Variants in TMEM268 observed in about 807,000 individuals in gnomAD.
TMEM268 encodes the protein transmembrane protein C9orf91.
TMEM268 carries 24 observed loss-of-function variants against 39.1 expected under a neutral mutation model. The observed-to-expected ratio is 0.61, with a 90% CI of 0.44 to 0.86. The LOEUF is 0.86. Ranked by LOEUF, TMEM268 falls within the 40% of genes least tolerant of loss-of-function variation. TMEM268 has a pLI of 0.00. For synonymous variants in TMEM268, 176 were observed against 173.5 expected (o/e 1.01, Z -0.12); for missense variants, 409 against 428.6 (o/e 0.95, Z 0.40).
intron 1 of TMEM268, among the ~76,000 whole-genome samples, chr9:114,612,718 C>T (rs983524361): frequency 2.0e-5 from 3 of 152,176 alleles, no homozygotes; most frequent in Non-Finnish European, 2.9e-5. Flanking sequence ...CCTCCTTCCT[C>T]CAGGAAGCCT....
chr9:114,632,921 G>C (rs1846461827), intron 5 of TMEM268, among the ~76,000 whole-genome samples: 1 of 152,206 alleles, frequency 6.6e-6, no homozygotes, highest in South Asian at 2.1e-4. Flanking sequence ...GGAAGCAGCA[G>C]AGCTGGGCTT....
At chr9:114,626,750 C>G (rs1846177544) in intron 3 of TMEM268, 149 bp from the exon 4 acceptor site, 4 of 563,112 alleles carry the variant, frequency 7.1e-6, no homozygotes, top group East Asian at 5.7e-5. Context: ...AGAGCTGCAC[C>G]ATGTGACTTC....
In TMEM268 at chr9:114,626,898, G is replaced by A; in HGVS notation, c.217-1G>A. ...GATCTCTTTCCCTGGGTTCCAAGCA[G>A]GTCCCGGCTGACCAGTACAGGAGCT... is the stretch of plus-strand genomic sequence containing the variant. On this transcript the variant is annotated splice_acceptor_variant, in intron 3 of 8. Coordinates refer to ENST00000288502, the MANE Select transcript of TMEM268 (RefSeq NM_153045.4). LOFTEE classifies it high-confidence loss of function. 1 of 1,605,664 alleles carries A rather than the reference G, an allele frequency of 6.2e-7. No individual in the cohort carries two copies. The highest frequency in any genetic ancestry group is 8.5e-7 in the Non-Finnish European group (1 of 1,172,954).
upstream of TMEM268, among the ~76,000 whole-genome samples, chr9:114,609,312 A>AAAAC (rs200839078): frequency 0.046 from 6,838 of 149,996 alleles, 200 homozygotes; most frequent in African/African-American, 0.092. Context: ...CCCCATCTCA[A>AAAAC]AAACAAACAA....
chr9:114,627,123 C>T, intron 4 of TMEM268, 117 bp downstream of exon 4: 1 of 689,230 alleles, frequency 1.5e-6, no homozygotes, highest in Non-Finnish European at 2.6e-6. Context: ...GCTGTTGGCC[C>T]AGGTGCCTGG....
intron 8 of TMEM268, among the ~76,000 whole-genome samples, chr9:114,639,088 A>G (rs1402712720): frequency 1.3e-5 from 2 of 152,060 alleles, no homozygotes; most frequent in Non-Finnish European, 2.9e-5. Context: ...CATCTATCCA[A>G]CCATTCATCC....
upstream of TMEM268, among the ~76,000 whole-genome samples, chr9:114,607,229 G>T (rs1270761041): frequency 6.6e-6 from 1 of 152,194 alleles, no homozygotes; most frequent in Non-Finnish European, 1.5e-5. Flanking sequence ...ACTGAGGACA[G>T]GGTTAGGGGC....
At chr9:114,642,997 C>T in intron 8 of TMEM268, 137 bp from the exon 9 acceptor site, 2 of 837,138 alleles carry the variant, frequency 2.4e-6, no homozygotes, top group East Asian at 5.1e-5. Context: ...AGGTGCTGAC[C>T]TGGCCTGGTT....
At chr9:114,628,937 G>A (rs763524535) in intron 5 of TMEM268, among the ~76,000 whole-genome samples, 3 of 152,238 alleles carry the variant, frequency 2.0e-5, no homozygotes, top group Non-Finnish European at 4.4e-5. Flanking sequence ...CACATCATAT[G>A]TAGTAGGTCC....
chr9:114,629,724 C>T (rs1846309541), intron 5 of TMEM268, among the ~76,000 whole-genome samples: 1 of 152,182 alleles, frequency 6.6e-6, no homozygotes, highest in African/African-American at 2.4e-5. Flanking sequence ...CAGTGCTGGA[C>T]TCTGATCTTG....
chr9:114,626,901 C>G lies in TMEM268; in HGVS notation c.219C>G (p.Val73=), dbSNP rs201950258. The change falls in exon 4 of 9, where the codon GTC becomes GTG. Residue 73 remains valine, a splice_region_variant and synonymous_variant. Transcript: ENST00000288502. ...EEQLQTWGIQ[V]PADQYRSLAE... is the part of the protein sequence containing the mutation. The stretch of plus-strand genomic sequence containing the variant: ...CTCTTTCCCTGGGTTCCAAGCAGGT[C>G]CCGGCTGACCAGTACAGGAGCTTGG... 1.2e-5 allele frequency: 20 copies of G among 1,605,716 alleles called. No homozygotes were observed. Among genetic ancestry groups the G allele is most frequent in the Non-Finnish European group, 1.7e-5 (20 of 1,173,154 alleles).
At chr9:114,638,255 C>T (rs767521268) in intron 7 of TMEM268, among the ~76,000 whole-genome samples, 17 of 152,028 alleles carry the variant, frequency 1.1e-4, no homozygotes, top group African/African-American at 3.9e-4. Flanking sequence ...TTGGCCAGGC[C>T]GGTCTTGAAC....
intron 5 of TMEM268, among the ~76,000 whole-genome samples, chr9:114,628,838 T>C (rs888074099): frequency 3.3e-5 from 5 of 152,238 alleles, no homozygotes; most frequent in African/African-American, 1.2e-4. Context: ...CCTGATCATG[T>C]TCCGAAAGGA....
Position 114,628,102 on chromosome 9 carries a change from T to A in TMEM268, c.326T>A (p.Val109Asp). The change falls in exon 5 of 9, where the codon GTT becomes GAT. Residue 109 changes from valine to aspartate, a missense_variant and splice_region_variant. By Grantham distance (152) the Val-to-Asp change is radical. Transcript: ENST00000288502. The part of the protein sequence containing the change: ...SRPMRLAFAV[V>D]FYVVVWANIY... ...TGCTCTCTGTCTGGCATCTTGCAGG[T>A]TTTCTATGTGGTGGTGTGGGCCAAT... is the stretch of plus-strand genomic sequence containing the variant. 1.2e-6 allele frequency: 2 copies of A among 1,612,642 alleles called. No individual in the cohort carries two copies. The highest frequency in any genetic ancestry group is 1.7e-6 in the Non-Finnish European group (2 of 1,178,762).
Position 114,643,195 on chromosome 9 carries a change from C to T in TMEM268, c.911C>T (p.Ser304Phe). 2.5e-6 allele frequency: 4 copies of T among 1,614,224 alleles called. No individual in the cohort carries two copies. The highest frequency in any genetic ancestry group is 2.5e-6 in the Non-Finnish European group (3 of 1,180,030). Reference sequence around the variant, plus strand: ...TACTACATCCGGCTTCTAGTGACCTCCCAGCTCCCTCAGGCAATGGGGACA... The same window carrying T: ...TACTACATCCGGCTTCTAGTGACCTTCCAGCTCCCTCAGGCAATGGGGACA... ...GGYYIRLLVT[S>F]QLPQAMGTRH... Residue 304 changes from serine (S) to phenylalanine (F), a missense_variant, in exon 9 of 9, where the codon TCC becomes TTC. Physicochemically the swap from Ser to Phe is radical, Grantham distance 155 (BLOSUM62 -2). Transcript: ENST00000288502.
At chr9:114,620,074 G>T (rs956946732) in intron 2 of TMEM268, among the ~76,000 whole-genome samples, 10 of 152,086 alleles carry the variant, frequency 6.6e-5, no homozygotes, top group African/African-American at 2.4e-4. Flanking sequence ...AATTAGCCGG[G>T]TGTGGTGGCG....
chr9:114,639,825 T>C (rs183568278), intron 8 of TMEM268, among the ~76,000 whole-genome samples: 73 of 149,282 alleles, frequency 4.9e-4, no homozygotes, highest in Non-Finnish European at 1.2e-4. Flanking sequence ...TTCAAGTTGA[T>C]CCTTCCGCCT....
chr9:114,638,536 C>T lies in TMEM268; in HGVS notation c.667-8C>T. ...CACTCCTGAGCCCCTTCTCTGTTTC[C>T]TTTGCAGTCCTTGCTGAGAAGCAGA... On this transcript the variant is annotated splice_polypyrimidine_tract_variant and splice_region_variant and intron_variant, in intron 7 of 8. Transcript: ENST00000288502. The T allele has an allele frequency of 6.5e-7, 1 of 1,546,668 alleles. No homozygotes were observed. Among genetic ancestry groups the T allele is most frequent in the East Asian group, 2.4e-5 (1 of 40,918 alleles).
chr9:114,646,422 A>AT (rs943993137), downstream of TMEM268: 3 of 152,418 alleles, frequency 2.0e-5, no homozygotes, highest in African/African-American at 7.2e-5. Flanking sequence ...TACTTAAAAA[A>AT]TTTTTTGTCT....
Sources: gnomAD v4.1 joint callset for allele counts (sites outside exome capture counted in the v4.1 genomes callset) on GRCh38, gnomAD v4.1.1 for gene constraint, MANE v1.5 for transcripts, NCBI Gene and HGNC (gene_info 2026-07-23, HGNC 2026-07-21) for gene names.